Variants in SMOC2 observed in about 807,000 individuals in gnomAD.
SMOC2 encodes the protein SPARC-related modular calcium-binding protein 2.
In SMOC2, 39 loss-of-function variants were observed where a neutral mutation model predicts 61.4. The observed-to-expected ratio is 0.64, with a 90% CI of 0.49 to 0.83. SMOC2 has a LOEUF of 0.83. Among genes scored for constraint, SMOC2 ranks in the 40% least tolerant of loss-of-function variants. SMOC2 has a pLI of 0.00. For missense variants in SMOC2, 556 were observed against 592.9 expected (o/e 0.94, Z 0.65); for synonymous variants, 247 against 239.9 (o/e 1.03, Z -0.27).
At chr6:168,459,772 G>A (rs1781679264) in intron 1 of SMOC2, among the ~76,000 whole-genome samples, 1 of 138,596 alleles carries the variant, frequency 7.2e-6, no homozygotes, top group Non-Finnish European at 1.5e-5. Flanking sequence ...GGGTGGGTGA[G>A]CCGGGGTGGT....
chr6:168,550,709 G>A (rs954782002), intron 7 of SMOC2, among the ~76,000 whole-genome samples: 1 of 152,100 alleles, frequency 6.6e-6, no homozygotes, highest in African/African-American at 2.4e-5. Context: ...CCGTCTACAG[G>A]CACACATGGC....
At chr6:168,665,622 A>G (rs1442278289) in intron 12 of SMOC2, among the ~76,000 whole-genome samples, 1 of 152,268 alleles carries the variant, frequency 6.6e-6, no homozygotes, top group Non-Finnish European at 1.5e-5. Flanking sequence ...TAAATAAGTT[A>G]AAATGTTAGT....
intron 11 of SMOC2, among the ~76,000 whole-genome samples, chr6:168,663,762 A>G (rs551924319): frequency 6.6e-6 from 1 of 152,360 alleles, no homozygotes; most frequent in Middle Eastern, 3.4e-3. Context: ...CACAGCATTT[A>G]CATTGCATTA....
intron 9 of SMOC2, among the ~76,000 whole-genome samples, chr6:168,622,412 A>T (rs1786270516): frequency 6.6e-6 from 1 of 151,662 alleles, no homozygotes; most frequent in Non-Finnish European, 1.5e-5. Context: ...ACTCCTTTAC[A>T]TTAAAAAAAA....
At chr6:168,598,522 C>T (rs1453329478) in intron 7 of SMOC2, among the ~76,000 whole-genome samples, 1 of 152,208 alleles carries the variant, frequency 6.6e-6, no homozygotes, top group Non-Finnish European at 1.5e-5. Context: ...GATCCCCTCT[C>T]CCAGGCGACT....
chr6:168,608,300 A>G, intron 9 of SMOC2, 61 bp downstream of exon 9: 1 of 1,539,646 alleles, frequency 6.5e-7, no homozygotes, highest in Non-Finnish European at 8.8e-7. Context: ...TTTCTTGCAA[A>G]TTTGGAATGA....
intron 7 of SMOC2, among the ~76,000 whole-genome samples, chr6:168,574,061 A>C (rs1784736128): frequency 6.6e-6 from 1 of 152,310 alleles, no homozygotes; most frequent in South Asian, 2.1e-4. Flanking sequence ...CCACCCTAGA[A>C]GACGAGGAAA....
At chr6:168,543,356 CTAATATA>C (rs1783915699) in intron 4 of SMOC2, among the ~76,000 whole-genome samples, 1 of 152,116 alleles carries the variant, frequency 6.6e-6, no homozygotes, top group Admixed American at 6.5e-5. Flanking sequence ...GGTGAAGAGA[CTAATATA>C]TTGGGTTTTA....
At position 168,453,446 on chromosome 6, in the gene SMOC2, C is replaced by G. The variant is rs1029926750; in HGVS notation, c.84+11992C>G. ...GTTAGAGGCTAGGCTCTCTCTTTCTCTCTGTCTCTGTGTGTCTCTCAGTTC... is the reference window on the plus strand; with the variant it reads ...GTTAGAGGCTAGGCTCTCTCTTTCTGTCTGTCTCTGTGTGTCTCTCAGTTC... On this transcript the variant is annotated intron_variant, in intron 1 of 12. Coordinates refer to ENST00000356284, the MANE Select transcript of SMOC2 (RefSeq NM_001166412.2). The surrounding 1 kb of genome is among the most constrained non-coding windows in gnomAD (Gnocchi z 4.4). 6.6e-6 allele frequency among the ~76,000 whole-genome samples: 1 copy of G among 152,198 alleles called. No individual in the cohort carries two copies. The highest frequency in any genetic ancestry group is 2.4e-5 in the African/African-American group (1 of 41,446).
At chr6:168,588,685 CT>C (rs1785103193) in intron 7 of SMOC2, among the ~76,000 whole-genome samples, 1 of 152,172 alleles carries the variant, frequency 6.6e-6, no homozygotes, top group South Asian at 2.1e-4. Flanking sequence ...TATTTATTCT[CT>C]TCTTGTTTTA....
intron 3 of SMOC2, 148 bp from the exon 4 acceptor site, chr6:168,527,480 C>A: frequency 1.6e-6 from 1 of 624,518 alleles, no homozygotes; most frequent in Non-Finnish European, 2.9e-6. Context: ...CTTTCTTTAC[C>A]GAGGACTCAA....
At chr6:168,585,545 G>A (rs1583133797) in intron 7 of SMOC2, among the ~76,000 whole-genome samples, 2 of 152,204 alleles carry the variant, frequency 1.3e-5, no homozygotes, top group South Asian at 2.1e-4. Flanking sequence ...ATTCGTGAGT[G>A]CATGTTTTCA....
chr6:168,540,899 C>A (rs111371097), intron 4 of SMOC2, among the ~76,000 whole-genome samples: 1 of 152,292 alleles, frequency 6.6e-6, no homozygotes, highest in African/African-American at 2.4e-5. Flanking sequence ...ACCCCTCTCA[C>A]GTCTGTGCCG....
At chr6:168,637,568 A>G (rs1786771647) in intron 9 of SMOC2, among the ~76,000 whole-genome samples, 1 of 152,240 alleles carries the variant, frequency 6.6e-6, no homozygotes, top group Non-Finnish European at 1.5e-5. Context: ...CTGGAGAAGC[A>G]TACAGCTGAG....
Position 168,510,012 on chromosome 6 carries a change from T to G in SMOC2, c.182T>G (p.Leu61Arg). Residue 61 changes from leucine (L) to arginine (R), a missense_variant, in exon 2 of 13, where the codon CTT (leucine) becomes CGT (arginine). By Grantham distance (102) the Leu-to-Arg change is moderately radical. Transcript: ENST00000356284. ...PLCASDGRTF[L>R]SRCEFQRAKC... ...TGCGCATCTGACGGAAGGACCTTCC[T>G]TTCCCGTTGTGAATTTCAACGTGCC... The G allele has an allele frequency of 6.2e-7, 1 of 1,614,246 alleles. No individual in the cohort carries two copies. Among genetic ancestry groups the G allele is most frequent in the African/African-American group, 1.3e-5 (1 of 75,072 alleles).
At chr6:168,463,564 A>T (rs1781760502) in intron 1 of SMOC2, among the ~76,000 whole-genome samples, 1 of 152,198 alleles carries the variant, frequency 6.6e-6, no homozygotes, top group Non-Finnish European at 1.5e-5. Context: ...ATGTATCCCC[A>T]GGAGCCAGGG....
At chr6:168,556,303 A>ACATGGGGGAAG in intron 7 of SMOC2, among the ~76,000 whole-genome samples, 1 of 152,238 alleles carries the variant, frequency 6.6e-6, no homozygotes, top group East Asian at 1.9e-4. Flanking sequence ...CCTTTCCTCC[A>ACATGGGGGAAG]GTGTCCTTGT....
intron 1 of SMOC2, among the ~76,000 whole-genome samples, chr6:168,485,782 T>C (rs1782318183): frequency 6.6e-6 from 1 of 152,208 alleles, no homozygotes; most frequent in South Asian, 2.1e-4. Flanking sequence ...TGAATAAATT[T>C]AAAACATTGA....
At chr6:168,446,905 C>T (rs1031364800) in intron 1 of SMOC2, among the ~76,000 whole-genome samples, 2 of 152,102 alleles carry the variant, frequency 1.3e-5, no homozygotes, top group South Asian at 4.2e-4. Context: ...TTTTGATGAA[C>T]CACGATTTTA....
Sources: gnomAD v4.1 joint callset for allele counts (sites outside exome capture counted in the v4.1 genomes callset) on GRCh38, gnomAD v4.1.1 for gene constraint, Gnocchi (gnomAD v3.1) non-coding constraint, MANE v1.5 for transcripts, NCBI Gene and HGNC (gene_info 2026-07-23, HGNC 2026-07-21) for gene names.